The following TMEM117 variants were observed in gnomAD, a reference collection of about 807,000 sequenced individuals.
TMEM117 encodes the protein transmembrane protein 117.
TMEM117 carries 27 observed loss-of-function variants against 52.4 expected under a neutral mutation model. That is an observed-to-expected ratio of 0.51 (90% confidence interval 0.38 to 0.71). The LOEUF is 0.71. TMEM117 is among the 30% of genes least tolerant of loss of function. The pLI, the probability that TMEM117 is intolerant of heterozygous loss-of-function variation, is 0.00. For missense variants in TMEM117, 556 were observed against 630.5 expected (o/e 0.88, Z 1.26); for synonymous variants, 215 against 206.3 (o/e 1.04, Z -0.36).
intron 1 of TMEM117, among the ~76,000 whole-genome samples, chr12:43,841,109 T>C (rs745914970): frequency 1.3e-5 from 2 of 152,192 alleles, no homozygotes; most frequent in Non-Finnish European, 1.5e-5. Flanking sequence ...TGGGACCCTC[T>C]AGAAGATATC....
intron 4 of TMEM117, among the ~76,000 whole-genome samples, chr12:44,171,379 A>G (rs1048780277): frequency 6.6e-5 from 10 of 152,126 alleles, no homozygotes; most frequent in African/African-American, 2.4e-4. Context: ...TTTCTCCTCA[A>G]CTTTTGCCCA....
intron 3 of TMEM117, among the ~76,000 whole-genome samples, chr12:43,982,713 C>A (rs1945780631): frequency 1.3e-5 from 2 of 152,144 alleles, no homozygotes; most frequent in South Asian, 4.1e-4. Flanking sequence ...GTCACAATCT[C>A]TCCTGGGAGA....
chr12:43,905,632 T>C (rs994463819), intron 2 of TMEM117, among the ~76,000 whole-genome samples: 1 of 152,232 alleles, frequency 6.6e-6, no homozygotes, highest in Non-Finnish European at 1.5e-5. Flanking sequence ...AGAAATAACC[T>C]AAAGTGTTCA....
chr12:43,855,189 A>G (rs1943378993), intron 2 of TMEM117, among the ~76,000 whole-genome samples: 1 of 152,160 alleles, frequency 6.6e-6, no homozygotes. Flanking sequence ...AGTTACAAAA[A>G]TCAGAGTCTT....
chr12:44,156,914 A>G (rs1277755838), intron 4 of TMEM117, among the ~76,000 whole-genome samples: 3 of 152,076 alleles, frequency 2.0e-5, no homozygotes, highest in African/African-American at 7.2e-5. Context: ...CTTACAGAGC[A>G]ACTTTGACTC....
chr12:43,968,335 T>C (rs1175891623), intron 3 of TMEM117, among the ~76,000 whole-genome samples: 1 of 152,242 alleles, frequency 6.6e-6, no homozygotes, highest in Admixed American at 6.5e-5. Context: ...TTTTAAGGAC[T>C]AGCCTAATTG....
intron 3 of TMEM117, among the ~76,000 whole-genome samples, chr12:44,114,950 A>T (rs926316573): frequency 6.6e-6 from 1 of 152,196 alleles, no homozygotes; most frequent in Non-Finnish European, 1.5e-5. Context: ...CTTAAATCCA[A>T]TTTACTGTAG....
At chr12:44,321,420 G>A (rs1372577916) in intron 6 of TMEM117, among the ~76,000 whole-genome samples, 1 of 152,146 alleles carries the variant, frequency 6.6e-6, no homozygotes, top group African/African-American at 2.4e-5. Flanking sequence ...GTTCTTCCGT[G>A]TATTATGAAG....
chr12:44,356,214 T>A lies in TMEM117; in HGVS notation c.769-20381T>A, dbSNP rs530118588. ...GGGAAGATAGAAAAATCTGATATGATAAGAATGACAAATTACAATATGACA... is the reference window on the plus strand; with the variant it reads ...GGGAAGATAGAAAAATCTGATATGAAAAGAATGACAAATTACAATATGACA... On this transcript the variant is annotated intron_variant, in intron 6 of 7. Coordinates refer to ENST00000266534, the MANE Select transcript of TMEM117 (RefSeq NM_032256.3). Among the ~76,000 whole-genome samples the A allele has an allele frequency of 1.4e-4, 21 of 152,186 alleles. No homozygotes were observed. In the South Asian group the frequency reaches 4.1e-3, roughly 30 times the overall value.
chr12:44,062,369 TAAAAG>T (rs1947153554), intron 3 of TMEM117, among the ~76,000 whole-genome samples: 1 of 152,178 alleles, frequency 6.6e-6, no homozygotes. Context: ...CCAGTTTTCT[TAAAAG>T]AGACAGTCCG....
rs552898234 is a variant in TMEM117, at chr12:44,330,014, T to C, written c.768+30275T>C. 1.7e-3 allele frequency among the ~76,000 whole-genome samples: 266 copies of C among 152,100 alleles called. 1 individual carries two copies. The highest frequency in any genetic ancestry group is 6.0e-3 in the African/African-American group (251 of 41,540). ...TGTTCAAGTTCCTACTTTCAGGGGTTTTTTTGGAAATATACTCAAAAGTAG... is the reference window on the plus strand; with the variant it reads ...TGTTCAAGTTCCTACTTTCAGGGGTCTTTTTGGAAATATACTCAAAAGTAG... On this transcript the variant is annotated intron_variant, in intron 6 of 7. Coordinates refer to ENST00000266534, the MANE Select transcript of TMEM117 (RefSeq NM_032256.3).
rs1342800908 is a variant in TMEM117, at chr12:43,855,055, T to C, written c.277+10127T>C. The stretch of plus-strand genomic sequence containing the variant: ...CCATCATCAGACATGTTAATATTTC[T>C]GTATATATGTATACATATTTACATG... On this transcript the variant is annotated intron_variant, in intron 2 of 7. Coordinates refer to ENST00000266534, the MANE Select transcript of TMEM117 (RefSeq NM_032256.3). 6.6e-5 allele frequency among the ~76,000 whole-genome samples: 10 copies of C among 152,350 alleles called. No homozygotes were observed. In the South Asian group the frequency reaches 1.9e-3, roughly 28 times the overall value.
At chr12:44,013,301 AC>A (rs1190284135) in intron 3 of TMEM117, among the ~76,000 whole-genome samples, 1 of 152,186 alleles carries the variant, frequency 6.6e-6, no homozygotes, top group Non-Finnish European at 1.5e-5. Context: ...CGCTGGGATT[AC>A]AGGTGTAAGT....
chr12:44,236,111 G>A (rs1460868982), intron 5 of TMEM117, among the ~76,000 whole-genome samples: 1 of 151,478 alleles, frequency 6.6e-6, no homozygotes, highest in African/African-American at 2.4e-5. Context: ...GATTTCTTGG[G>A]ATTATTGAAA....
intron 6 of TMEM117, among the ~76,000 whole-genome samples, chr12:44,346,654 A>C (rs2138766700): frequency 6.6e-6 from 1 of 152,202 alleles, no homozygotes; most frequent in East Asian, 1.9e-4. Flanking sequence ...TCACTTCAGC[A>C]TATGTTGCCA....
intron 6 of TMEM117, among the ~76,000 whole-genome samples, chr12:44,344,455 C>T (rs1357525709): frequency 6.6e-6 from 1 of 152,018 alleles, no homozygotes. Context: ...TTCATTTCTG[C>T]TAGGCCTCTC....
intron 6 of TMEM117, among the ~76,000 whole-genome samples, chr12:44,369,715 G>A (rs1489536231): frequency 6.6e-6 from 1 of 152,136 alleles, no homozygotes; most frequent in African/African-American, 2.4e-5. Context: ...ACTTGGATCT[G>A]TTTTAGTGAT....
chr12:44,310,755 C>A (rs1950964350), intron 6 of TMEM117, among the ~76,000 whole-genome samples: 1 of 152,064 alleles, frequency 6.6e-6, no homozygotes, highest in African/African-American at 2.4e-5. Context: ...GATATATGTT[C>A]CTTTAAATCA....
At chr12:44,135,676 A>G (rs1948480134) in intron 3 of TMEM117, among the ~76,000 whole-genome samples, 1 of 152,182 alleles carries the variant, frequency 6.6e-6, no homozygotes, top group Non-Finnish European at 1.5e-5. Flanking sequence ...GAAGAGAAAG[A>G]AAAGAAATTG....
Sources: gnomAD v4.1 joint callset for allele counts (sites outside exome capture counted in the v4.1 genomes callset) on GRCh38, gnomAD v4.1.1 for gene constraint, MANE v1.5 for transcripts, NCBI Gene and HGNC (gene_info 2026-07-23, HGNC 2026-07-21) for gene names.